Variants in ASTN2 observed in about 807,000 individuals in gnomAD.
ASTN2 encodes astrotactin-2.
A neutral mutation model predicts 139.8 loss-of-function variants in ASTN2; 54 were observed. The observed-to-expected ratio is 0.39, with a 90% confidence interval of 0.31 to 0.48. The LOEUF (loss-of-function observed/expected upper bound fraction) is 0.48. Among genes scored for constraint, ASTN2 ranks in the 20% least tolerant of loss-of-function variants. The pLI is 0.95. For missense variants in ASTN2, 1,565 were observed against 1,725.1 expected, an observed-to-expected ratio of 0.91 and a Z score of 1.64; for synonymous variants, 756 against 719.5, an observed-to-expected ratio of 1.05 and a Z score of -0.81.
At chr9:116,963,588 T>G (rs1179518332) in intron 10 of ASTN2, among the ~76,000 whole-genome samples, 1 of 152,150 alleles carries the variant, frequency 6.6e-6, no homozygotes, top group Non-Finnish European at 1.5e-5. Flanking sequence ...AGACTACGTA[T>G]GAGGGCCTGA....
At chr9:117,055,186 C>G (rs1273592009) in intron 5 of ASTN2, among the ~76,000 whole-genome samples, 1 of 152,202 alleles carries the variant, frequency 6.6e-6, no homozygotes, top group African/African-American at 2.4e-5. Context: ...CTGTGCAAAC[C>G]TGAAACACAT....
At chr9:116,839,849 T>A (rs4434685) in intron 11 of ASTN2, among the ~76,000 whole-genome samples, 31,252 of 141,760 alleles carry the variant, frequency 0.22, 4,171 homozygotes, top group East Asian at 0.5. Flanking sequence ...TTTTTTATTT[T>A]ATTTTATTTC....
intron 19 of ASTN2, among the ~76,000 whole-genome samples, chr9:116,499,748 G>T (rs1849792840): frequency 2.6e-5 from 4 of 152,104 alleles, no homozygotes; most frequent in Admixed American, 1.3e-4. Context: ...ACCTCATTAT[G>T]CATCAACCTT....
At chr9:116,895,393 G>C (rs1238395380) in intron 10 of ASTN2, among the ~76,000 whole-genome samples, 9 of 152,210 alleles carry the variant, frequency 5.9e-5, no homozygotes, top group African/African-American at 1.7e-4. Flanking sequence ...AAGCATTTCA[G>C]ATAAGGGGAT....
chr9:116,608,872 T>C (rs1298551561), intron 19 of ASTN2, among the ~76,000 whole-genome samples: 1 of 152,092 alleles, frequency 6.6e-6, no homozygotes, highest in East Asian at 1.9e-4. Context: ...CTATATCCCA[T>C]ATGTAAAAAA....
chr9:116,694,529 C>T (rs1208632007), intron 16 of ASTN2, among the ~76,000 whole-genome samples: 12 of 141,416 alleles, frequency 8.5e-5, no homozygotes, highest in African/African-American at 2.9e-4. Context: ...TGGCGCGTCT[C>T]GGCTCACTGC....
At chr9:116,434,578 T>C (rs1029023519) in intron 22 of ASTN2, among the ~76,000 whole-genome samples, 1 of 152,214 alleles carries the variant, frequency 6.6e-6, no homozygotes, top group Non-Finnish European at 1.5e-5. Context: ...CTGGTCCAGA[T>C]AGATCAATTT....
chr9:116,993,876 A>ATATATTTTTT (rs1030120382), intron 7 of ASTN2, among the ~76,000 whole-genome samples: 185 of 142,028 alleles, frequency 1.3e-3, no homozygotes, highest in Non-Finnish European at 1.5e-3. Context: ...ATATATATAT[A>ATATATTTTTT]TTTTAACTAT....
At chr9:116,609,365 T>TTA (rs1282128686) in intron 19 of ASTN2, among the ~76,000 whole-genome samples, 4 of 87,402 alleles carry the variant, frequency 4.6e-5, no homozygotes, top group African/African-American at 1.8e-4. Flanking sequence ...TATACATGAA[T>TTA]TATATATATG....
intron 2 of ASTN2, among the ~76,000 whole-genome samples, chr9:117,225,537 A>ATGTATATATG (rs1460719604): frequency 4.1e-5 from 1 of 24,424 alleles, no homozygotes; most frequent in Admixed American, 5.5e-4. Flanking sequence ...AGCTGTATGT[A>ATGTATATATG]TATATATATA....
chr9:117,131,797 T>C (rs1829834079), intron 4 of ASTN2, among the ~76,000 whole-genome samples: 1 of 152,202 alleles, frequency 6.6e-6, no homozygotes, highest in Admixed American at 6.5e-5. Context: ...ACCTTACATA[T>C]ATCGATTTAT....
intron 2 of ASTN2, 73 bp downstream of exon 2, chr9:117,291,253 C>T (rs759867828): frequency 9.8e-5 from 151 of 1,546,794 alleles, no homozygotes; most frequent in Non-Finnish European, 1.1e-4. Flanking sequence ...GACAATCCCC[C>T]GCCCCCTCCA....
At chr9:117,197,584 T>C (rs1196021592) in intron 3 of ASTN2, among the ~76,000 whole-genome samples, 3 of 152,214 alleles carry the variant, frequency 2.0e-5, no homozygotes, top group Non-Finnish European at 2.9e-5. Context: ...TGCAAGTGTG[T>C]GTGTGTATAC....
intron 2 of ASTN2, among the ~76,000 whole-genome samples, chr9:117,248,896 T>C (rs1201926232): frequency 6.6e-6 from 1 of 152,190 alleles, no homozygotes; most frequent in Non-Finnish European, 1.5e-5. Flanking sequence ...GGATGGACTA[T>C]CGGGCTGCCT....
Position 116,698,094 on chromosome 9 carries a change from G to C in ASTN2, c.2806+27677C>G. ...GCAATTCTGCCGGAGCTGTGGTTTG[G>C]TGTTATGTGAGCCCTGCCGGGAGGC... is the stretch of plus-strand genomic sequence containing the variant. On this transcript the variant is annotated intron_variant, in intron 16 of 22. Transcript: ENST00000313400. The surrounding 1 kb of genome is among the most constrained non-coding windows in gnomAD (Gnocchi z 4.4). The C allele has an allele frequency of 3.1e-6, 5 of 1,614,136 alleles. No homozygotes were observed. Among genetic ancestry groups the C allele is most frequent in the Non-Finnish European group, 3.4e-6 (4 of 1,180,046 alleles).
chr9:116,790,974 A>AGAAAGAAAGAAAAGAAAGAAG (rs1564268903), intron 13 of ASTN2, among the ~76,000 whole-genome samples: 92 of 46,454 alleles, frequency 2.0e-3, no homozygotes, highest in Admixed American at 3.6e-3. Context: ...AAGGAAAGAA[A>AGAAAGAAAGAAAAGAAAGAAG]GAAAGAAAGA....
intron 19 of ASTN2, among the ~76,000 whole-genome samples, chr9:116,598,243 G>A (rs935409706): frequency 2.0e-5 from 3 of 152,210 alleles, no homozygotes; most frequent in African/African-American, 7.2e-5. Flanking sequence ...TTAAAAGGAA[G>A]TTTATGAAGT....
At chr9:116,987,089 G>A (rs1021094287) in intron 7 of ASTN2, among the ~76,000 whole-genome samples, 1 of 152,210 alleles carries the variant, frequency 6.6e-6, no homozygotes, top group Non-Finnish European at 1.5e-5. Flanking sequence ...AACCCACCCA[G>A]TGGATGCCTG....
At chr9:117,073,158 C>G (rs913916259) in intron 5 of ASTN2, among the ~76,000 whole-genome samples, 44 of 151,512 alleles carry the variant, frequency 2.9e-4, no homozygotes, top group Admixed American at 1.1e-3. Flanking sequence ...TGGTTAGTCG[C>G]TCTCCGATGA....
Sources: allele counts gnomAD v4.1 joint callset (sites outside exome capture counted in the v4.1 genomes callset), GRCh38; gene constraint gnomAD v4.1.1; non-coding constraint Gnocchi (gnomAD v3.1); transcripts MANE v1.5; gene names NCBI Gene and HGNC (gene_info 2026-07-23, HGNC 2026-07-21).